TMTC2: variants seen among roughly 807,000 people sequenced by gnomAD.
TMTC2 encodes the protein protein O-mannosyl-transferase TMTC2.
Under a neutral mutation model 82.4 loss-of-function variants are expected in TMTC2, and 43 were observed. That is an observed-to-expected ratio of 0.52 (90% CI 0.41 to 0.67). TMTC2 has a LOEUF of 0.67. Ranked by LOEUF, TMTC2 falls within the 30% of genes least tolerant of loss-of-function variation. The probability of loss-of-function intolerance (pLI) is 0.00; values close to 1 mark genes in which losing one functional copy is unlikely to be tolerated. For missense variants in TMTC2, 919 were observed against 1,012.4 expected, an observed-to-expected ratio of 0.91 and a Z score of 1.25; for synonymous variants, 408 against 381.9, an observed-to-expected ratio of 1.07 and a Z score of -0.80.
At chr12:83,113,374 G>A (rs969499772) in intron 11 of TMTC2, among the ~76,000 whole-genome samples, 7 of 152,144 alleles carry the variant, frequency 4.6e-5, no homozygotes, top group African/African-American at 7.2e-5. Context: ...GCTTCTTATC[G>A]ATAAAAACTT....
chr12:82,971,700 T>G (rs530489111), intron 7 of TMTC2, among the ~76,000 whole-genome samples: 63 of 151,904 alleles, frequency 4.1e-4, no homozygotes, highest in Non-Finnish European at 8.1e-4. Flanking sequence ...ATCATGGTAA[T>G]ATATCTCGAG....
chr12:83,008,621 C>A (rs978954474), intron 8 of TMTC2, among the ~76,000 whole-genome samples: 11 of 152,188 alleles, frequency 7.2e-5, no homozygotes, highest in African/African-American at 2.7e-4. Flanking sequence ...CATATTCCAA[C>A]ATGTAAGTCT....
chr12:82,991,522 T>A (rs539345230), intron 8 of TMTC2, among the ~76,000 whole-genome samples: 1 of 152,268 alleles, frequency 6.6e-6, no homozygotes, highest in African/African-American at 2.4e-5. Context: ...AATACAAAAA[T>A]TTCGGGGTAT....
At chr12:82,807,813 C>A (rs1879312129) in intron 1 of TMTC2, among the ~76,000 whole-genome samples, 2 of 151,904 alleles carry the variant, frequency 1.3e-5, no homozygotes, top group Non-Finnish European at 2.9e-5. Context: ...GAGATTTAGA[C>A]TGGGAAGTAA....
chr12:82,698,319 T>C (rs926975574), intron 1 of TMTC2, among the ~76,000 whole-genome samples: 1 of 152,212 alleles, frequency 6.6e-6, no homozygotes, highest in African/African-American at 2.4e-5. Flanking sequence ...CTGTACTAGC[T>C]AAGTACTTGA....
intron 2 of TMTC2, among the ~76,000 whole-genome samples, chr12:82,862,388 G>A (rs1019580144): frequency 1.3e-5 from 2 of 152,098 alleles, no homozygotes. Flanking sequence ...CCCTTTATTA[G>A]CCTCATAACC....
At chr12:82,809,661 T>C (rs1423023674) in intron 1 of TMTC2, among the ~76,000 whole-genome samples, 1 of 152,168 alleles carries the variant, frequency 6.6e-6, no homozygotes, top group African/African-American at 2.4e-5. Context: ...CTATCCTCCC[T>C]GGGATTGAGT....
intron 11 of TMTC2, among the ~76,000 whole-genome samples, chr12:83,071,437 G>A (rs556002119): frequency 3.3e-5 from 5 of 152,138 alleles, no homozygotes; most frequent in Admixed American, 6.5e-5. Context: ...GATTACAGGC[G>A]TGAGCCACTG....
chr12:82,877,580 TTCTC>T (rs1169657142), intron 2 of TMTC2, among the ~76,000 whole-genome samples: 1 of 152,156 alleles, frequency 6.6e-6, no homozygotes, highest in Non-Finnish European at 1.5e-5. Flanking sequence ...TGTCTCCTCT[TTCTC>T]CCTCTCTCAT....
intron 1 of TMTC2, among the ~76,000 whole-genome samples, chr12:82,837,246 A>G (rs1182242613): frequency 6.6e-6 from 1 of 152,190 alleles, no homozygotes; most frequent in Non-Finnish European, 1.5e-5. Context: ...AGTTGATGCA[A>G]AACAATTACT....
chr12:82,988,088 G>A (rs1879243042), intron 8 of TMTC2, among the ~76,000 whole-genome samples: 1 of 152,084 alleles, frequency 6.6e-6, no homozygotes, highest in African/African-American at 2.4e-5. Flanking sequence ...AAAAGTACTG[G>A]GCAAAGAAAT....
At chr12:82,875,737 A>G (rs1421470544) in intron 2 of TMTC2, among the ~76,000 whole-genome samples, 1 of 152,164 alleles carries the variant, frequency 6.6e-6, no homozygotes, top group Admixed American at 6.5e-5. Flanking sequence ...CAGCAGCTGT[A>G]AAAATATATC....
At chr12:82,862,250 G>A (rs955727323) in intron 2 of TMTC2, among the ~76,000 whole-genome samples, 1 of 152,206 alleles carries the variant, frequency 6.6e-6, no homozygotes, top group Non-Finnish European at 1.5e-5. Flanking sequence ...ACCCCAGGAA[G>A]TACATGGGTA....
chr12:82,896,421 G>A lies in TMTC2; in HGVS notation c.1258G>A (p.Ala420Thr), dbSNP rs145285151. Residue 420 changes from alanine to threonine, a missense_variant, in exon 3 of 12, where the codon GCA (alanine) becomes ACA (threonine). Coordinates refer to ENST00000321196, the MANE Select transcript of TMTC2 (RefSeq NM_152588.3). ...GTTTTTCTATGTCGGCTTTGTAATT[G>A]CAGAGCGAGTATTATATATTCCTAG... ...NLFFYVGFVI[A>T]ERVLYIPSMG... 1.9e-6 allele frequency: 3 copies of A among 1,614,002 alleles called. No homozygotes were observed. The African/African-American group carries it at 4.0e-5, about 22-fold the overall frequency.
chr12:83,056,639 T>C (rs1017679737), intron 10 of TMTC2, among the ~76,000 whole-genome samples: 2 of 151,966 alleles, frequency 1.3e-5, no homozygotes, highest in Admixed American at 6.6e-5. Flanking sequence ...GATGTGTGTA[T>C]ATATTTCCAG....
chr12:82,973,180 T>C (rs1878522347), intron 7 of TMTC2, among the ~76,000 whole-genome samples: 1 of 152,168 alleles, frequency 6.6e-6, no homozygotes, highest in Non-Finnish European at 1.5e-5. Context: ...GCGATTTTCC[T>C]ATGATTGCTT....
At chr12:82,724,053 A>T (rs957500134) in intron 1 of TMTC2, among the ~76,000 whole-genome samples, 1 of 152,196 alleles carries the variant, frequency 6.6e-6, no homozygotes, top group South Asian at 2.1e-4. Flanking sequence ...TTGTTTTAAG[A>T]GTTAGAGATA....
At chr12:82,876,070 T>TTA (rs1466632251) in intron 2 of TMTC2, among the ~76,000 whole-genome samples, 12 of 96,812 alleles carry the variant, frequency 1.2e-4, no homozygotes, top group Non-Finnish European at 1.9e-4. Context: ...GTGGTGGTGA[T>TTA]GATGATGATG....
intron 2 of TMTC2, among the ~76,000 whole-genome samples, chr12:82,895,446 C>T (rs1176607973): frequency 6.6e-6 from 1 of 152,096 alleles, no homozygotes; most frequent in Non-Finnish European, 1.5e-5. Flanking sequence ...TTATCTTATG[C>T]AGAGTGCTAA....
Sources: gnomAD v4.1 joint callset for allele counts (sites outside exome capture counted in the v4.1 genomes callset) on GRCh38, gnomAD v4.1.1 for gene constraint, MANE v1.5 for transcripts, NCBI Gene and HGNC (gene_info 2026-07-23, HGNC 2026-07-21) for gene names.